Variants in KCNN2 observed in about 807,000 individuals in gnomAD.
The protein encoded by KCNN2 is small conductance calcium-activated potassium channel protein 2.
Under a neutral mutation model 55.5 loss-of-function variants are expected in KCNN2, and 24 were observed. The ratio of observed to expected loss-of-function variants is 0.43; its 90% confidence interval spans 0.31 to 0.61. The LOEUF is 0.61. KCNN2 is among the 20% of genes least tolerant of loss of function. The pLI is 0.08. For synonymous variants in KCNN2, 431 were observed against 336.1 expected (o/e 1.28, Z -3.09); for missense variants, 754 against 853.6 (o/e 0.88, Z 1.45).
chr5:114,471,654 T>C (rs1761751812), intron 4 of KCNN2, among the ~76,000 whole-genome samples: 1 of 152,206 alleles, frequency 6.6e-6, no homozygotes, highest in Non-Finnish European at 1.5e-5. Context: ...GAAGGCTAAA[T>C]CAGAATGTCT....
chr5:114,168,184 C>T (rs1205681167), intron 1 of KCNN2, among the ~76,000 whole-genome samples: 2 of 151,560 alleles, frequency 1.3e-5, no homozygotes, highest in Non-Finnish European at 2.9e-5. Flanking sequence ...TACACACACA[C>T]ACACACACAC....
intron 1 of KCNN2, among the ~76,000 whole-genome samples, chr5:114,169,548 T>A (rs559860648): frequency 6.6e-6 from 1 of 152,210 alleles, no homozygotes; most frequent in East Asian, 1.9e-4. Flanking sequence ...AACTTTTATC[T>A]CCTCTGCAGT....
chr5:114,194,396 T>C (rs1753509567), intron 1 of KCNN2, among the ~76,000 whole-genome samples: 2 of 152,086 alleles, frequency 1.3e-5, no homozygotes, highest in Admixed American at 6.6e-5. Context: ...GCCATCCTAG[T>C]GGAGTGAAGT....
At chr5:114,315,317 C>G (rs1447324620) in intron 2 of KCNN2, among the ~76,000 whole-genome samples, 2 of 151,892 alleles carry the variant, frequency 1.3e-5, no homozygotes, top group African/African-American at 4.8e-5. Context: ...AAATATAGGG[C>G]TCGTATTTAT....
intron 2 of KCNN2, among the ~76,000 whole-genome samples, chr5:114,292,373 G>A (rs1184077108): frequency 6.6e-6 from 1 of 152,138 alleles, no homozygotes; most frequent in Non-Finnish European, 1.5e-5. Context: ...TTTGTATAAG[G>A]TGTAAGGAAG....
intron 3 of KCNN2, among the ~76,000 whole-genome samples, chr5:114,427,077 A>T (rs1412573743): frequency 6.6e-6 from 1 of 152,108 alleles, no homozygotes; most frequent in Admixed American, 6.5e-5. Flanking sequence ...ACCCACCTGC[A>T]CCTGGAGTCA....
intron 2 of KCNN2, among the ~76,000 whole-genome samples, chr5:114,231,935 A>G (rs1251406305): frequency 6.6e-6 from 1 of 150,958 alleles, no homozygotes; most frequent in Admixed American, 6.6e-5. Flanking sequence ...ATTGGAGGCT[A>G]TTAGCATCTG....
intron 1 of KCNN2, among the ~76,000 whole-genome samples, chr5:114,074,404 A>G (rs535049614): frequency 2.3e-4 from 35 of 152,160 alleles, no homozygotes; most frequent in Non-Finnish European, 4.3e-4. Context: ...ACAAGGAGAC[A>G]AATACCATGA....
intron 2 of KCNN2, among the ~76,000 whole-genome samples, chr5:114,225,315 A>T (rs1754218345): frequency 3.3e-5 from 5 of 152,208 alleles, no homozygotes; most frequent in Admixed American, 3.3e-4. Context: ...TATGGAGACT[A>T]AGACAGATAT....
intron 4 of KCNN2, among the ~76,000 whole-genome samples, chr5:114,471,673 G>A (rs1761752812): frequency 6.6e-6 from 1 of 152,106 alleles, no homozygotes; most frequent in South Asian, 2.1e-4. Context: ...CTAAATACTT[G>A]GCAACCTCTT....
chr5:114,122,078 C>A (rs954990389), intron 1 of KCNN2, among the ~76,000 whole-genome samples: 1 of 152,146 alleles, frequency 6.6e-6, no homozygotes, highest in Non-Finnish European at 1.5e-5. Context: ...CAGTAAAGCA[C>A]AATAACAACT....
intron 3 of KCNN2, among the ~76,000 whole-genome samples, chr5:114,416,844 T>C (rs1759322142): frequency 6.6e-6 from 1 of 152,198 alleles, no homozygotes; most frequent in African/African-American, 2.4e-5. Flanking sequence ...TTTGTAAATA[T>C]GAAAGCCACA....
intron 1 of KCNN2, among the ~76,000 whole-genome samples, chr5:114,080,640 A>C (rs900552620): frequency 3.9e-5 from 6 of 152,212 alleles, no homozygotes; most frequent in Non-Finnish European, 1.5e-5. Context: ...AAACCATTCC[A>C]TGATAAAAAC....
intron 3 of KCNN2, among the ~76,000 whole-genome samples, chr5:114,407,169 C>A (rs915697786): frequency 2.0e-5 from 3 of 152,038 alleles, no homozygotes; most frequent in Non-Finnish European, 1.5e-5. Flanking sequence ...CCTGTTCAAT[C>A]TCGAAATTCA....
intron 1 of KCNN2, among the ~76,000 whole-genome samples, chr5:114,214,331 G>T (rs1753956434): frequency 6.6e-6 from 1 of 151,752 alleles, no homozygotes; most frequent in Non-Finnish European, 1.5e-5. Context: ...GGCTTGATTT[G>T]GCCTGTGGGC....
At chr5:114,444,194 C>T (rs916748310) in intron 3 of KCNN2, among the ~76,000 whole-genome samples, 1 of 152,140 alleles carries the variant, frequency 6.6e-6, no homozygotes, top group Non-Finnish European at 1.5e-5. Context: ...AGGCATGGTT[C>T]TAACCAGCAC....
intron 2 of KCNN2, among the ~76,000 whole-genome samples, chr5:114,278,039 T>C (rs1320003127): frequency 6.6e-6 from 1 of 152,150 alleles, no homozygotes; most frequent in African/African-American, 2.4e-5. Flanking sequence ...GATGTCCTTT[T>C]TGTTGATGTT....
At chr5:114,360,848 A>AG (rs1280249935), upstream of KCNN2, 3 of 152,348 alleles carry the variant, frequency 2.0e-5, no homozygotes, top group African/African-American at 7.2e-5. Context: ...AGCCCGCGCC[A>AG]GGCCCCTTTC....
chr5:114,291,595 G>T (rs1755889876), intron 2 of KCNN2, among the ~76,000 whole-genome samples: 1 of 152,194 alleles, frequency 6.6e-6, no homozygotes, highest in South Asian at 2.1e-4. Context: ...ATCATTGTTG[G>T]ACATTTGGGT....
Sources: allele counts gnomAD v4.1 joint callset (sites outside exome capture counted in the v4.1 genomes callset), GRCh38; gene constraint gnomAD v4.1.1; transcripts MANE v1.5; gene names NCBI Gene and HGNC (gene_info 2026-07-23, HGNC 2026-07-21).